The following TDRD12 variants were observed in gnomAD, a reference collection of about 807,000 sequenced individuals.
TDRD12 encodes the protein putative ATP-dependent RNA helicase TDRD12.
In TDRD12, 158 loss-of-function variants were observed where a neutral mutation model predicts 133.5. The ratio of observed to expected loss-of-function variants is 1.18; its 90% CI spans 1.04 to 1.35. The LOEUF is 1.35. Ranked by LOEUF, TDRD12 falls within the 40% of genes most tolerant of loss-of-function variation. The pLI, the probability that TDRD12 is intolerant of heterozygous loss-of-function variation, is 0.00. For missense variants in TDRD12, 1,443 were observed against 1,321.3 expected (o/e 1.09, Z -1.43); for synonymous variants, 460 against 477.9 (o/e 0.96, Z 0.49).
chr19:32,803,411 G>A (rs1270221294), intron 21 of TDRD12, among the ~76,000 whole-genome samples: 1 of 152,196 alleles, frequency 6.6e-6, no homozygotes, highest in Admixed American at 6.5e-5. Context: ...CCTCATGTCT[G>A]TGACATTCGT....
chr19:32,805,364 T>C (rs914181071), intron 21 of TDRD12, among the ~76,000 whole-genome samples: 9 of 150,520 alleles, frequency 6.0e-5, no homozygotes, highest in Non-Finnish European at 1.3e-4. Context: ...GCCTGGGTGA[T>C]AGAATGAGAC....
chr19:32,757,259 A>G (rs1317545499), intron 8 of TDRD12, 129 bp downstream of exon 8: 1 of 740,734 alleles, frequency 1.4e-6, no homozygotes. Flanking sequence ...AATGTAACCA[A>G]TTTGTGATGT....
exon 14 of TDRD12, chr19:32,794,782 C>T (rs1014462818): frequency 5.7e-6 from 4 of 703,370 alleles, no homozygotes; most frequent in Admixed American, 2.0e-5. Context: ...CAAACAGGAG[C>T]CTGCTACAAG....
intron 3 of TDRD12, among the ~76,000 whole-genome samples, chr19:32,739,950 T>C: frequency 7.3e-6 from 1 of 136,532 alleles, no homozygotes; most frequent in Non-Finnish European, 1.6e-5. Flanking sequence ...TCTCTGCATC[T>C]CCTAGGTACT....
intron 19 of TDRD12, among the ~76,000 whole-genome samples, chr19:32,802,150 CAT>C (rs373893635): frequency 0.018 from 2,502 of 138,574 alleles, 76 homozygotes; most frequent in African/African-American, 0.064. Context: ...TATATATTAT[CAT>C]ATATATATAT....
intron 6 of TDRD12, among the ~76,000 whole-genome samples, chr19:32,754,304 A>G (rs557306694): frequency 7.3e-4 from 111 of 152,278 alleles, no homozygotes; most frequent in African/African-American, 2.5e-3. Context: ...CCTTGTCTCT[A>G]CAAAAAATAC....
chr19:32,773,522 C>A, exon 10 of TDRD12: 1 of 1,551,572 alleles, frequency 6.4e-7, no homozygotes, highest in East Asian at 2.4e-5. Flanking sequence ...TCCAGATGTA[C>A]CAGAAGCAAG....
chr19:32,798,426 C>T, exon 16 of TDRD12: 1 of 1,534,526 alleles, frequency 6.5e-7, no homozygotes, highest in Non-Finnish European at 8.7e-7. Context: ...TCTTGGAAGC[C>T]AATGAACAGG....
At chr19:32,757,256 C>A in intron 8 of TDRD12, 126 bp downstream of exon 8, 1 of 765,294 alleles carries the variant, frequency 1.3e-6, no homozygotes, top group African/African-American at 1.8e-5. Context: ...TTTAATGTAA[C>A]CAATTTGTGA....
chr19:32,776,660 C>T (rs1324477255), intron 10 of TDRD12, among the ~76,000 whole-genome samples: 1 of 152,152 alleles, frequency 6.6e-6, no homozygotes, highest in East Asian at 1.9e-4. Flanking sequence ...GGGGCCTCAT[C>T]CAGAATCTCT....
In TDRD12 at chr19:32,768,766, C is replaced by A. The variant is rs560308626; in HGVS notation, c.866-3987C>A. 5.3e-5 allele frequency among the ~76,000 whole-genome samples: 8 copies of A among 152,238 alleles called. No homozygotes were observed. The South Asian group carries it at 1.7e-3, about 32-fold the overall frequency. ...CTCTTGAGCCCTGTTACTCTCATTG[C>A]AATGGCAGAGGTGGCTTTCTGGATT... On this transcript the variant is annotated intron_variant, in intron 8 of 27. Coordinates refer to ENST00000444215, the Ensembl canonical transcript of TDRD12.
intron 1 of TDRD12, among the ~76,000 whole-genome samples, chr19:32,729,497 A>G (rs928499203): frequency 5.9e-5 from 9 of 151,550 alleles, no homozygotes; most frequent in Non-Finnish European, 1.3e-4. Context: ...GATTACAGGC[A>G]TGAGCCACCG....
At chr19:32,773,701 AAATAAT>A (rs1179574835) in intron 10 of TDRD12, among the ~76,000 whole-genome samples, 169 bp downstream of exon 10, 3 of 152,076 alleles carry the variant, frequency 2.0e-5, no homozygotes, top group Admixed American at 6.6e-5. Flanking sequence ...CTTATCTCTA[AAATAAT>A]AATAATAATA....
chr19:32,824,409 G>A (rs2145769892), downstream of TDRD12: 1 of 153,120 alleles, frequency 6.5e-6, no homozygotes, highest in South Asian at 2.1e-4. Context: ...TGCCAGGCAG[G>A]GCTTCTGGAG....
rs1970489479 is a variant in TDRD12, at chr19:32,773,321, T to C, written c.964-135T>C. On this transcript the variant is annotated intron_variant, in intron 9 of 27. Coordinates refer to ENST00000444215, the Ensembl canonical transcript of TDRD12. Reference sequence around the variant, plus strand: ...CCAACTTTCCAGTTTTTTATCTCTCTATCTCTGTGTGTGCATGAAAGATGT... The same window carrying C: ...CCAACTTTCCAGTTTTTTATCTCTCCATCTCTGTGTGTGCATGAAAGATGT... 3.9e-6 allele frequency: 3 copies of C among 760,918 alleles called. No individual in the cohort carries two copies. In the Admixed American group the frequency reaches 6.6e-5, roughly 17 times the overall value. The allele number at this position is 760,918 out of a possible 1,614,324, so 47.1% of individuals were successfully genotyped here. A position where few individuals can be genotyped will look rare whatever the true frequency, so the allele number is the denominator to read the frequency against.
At chr19:32,810,970 T>C (rs1966982755) in intron 23 of TDRD12, among the ~76,000 whole-genome samples, 1 of 152,180 alleles carries the variant, frequency 6.6e-6, no homozygotes. Flanking sequence ...ATGTTAATTT[T>C]TATTATGTTG....
Position 32,815,724 on chromosome 19 carries a change from G to A in TDRD12, c.3314+104G>A, listed in dbSNP as rs62126517. On this transcript the variant is annotated intron_variant, in intron 26 of 27. Coordinates refer to ENST00000444215, the Ensembl canonical transcript of TDRD12. ...GAAAGTAGAAGAGTTGGCTGGGTGC[G>A]GTGGCTCACACCTGTAATCCCAGCA... 1.0e-4 allele frequency: 119 copies of A among 1,143,040 alleles called. 1 individual carries two copies. The highest frequency in any genetic ancestry group is 4.0e-4 in the Middle Eastern group (2 of 4,962). 70.8% of individuals were successfully genotyped at this position (1,143,040 alleles called of 1,614,324 possible).
chr19:32,750,799 A>C (rs1218144002), intron 6 of TDRD12, among the ~76,000 whole-genome samples: 1 of 152,020 alleles, frequency 6.6e-6, no homozygotes, highest in African/African-American at 2.4e-5. Flanking sequence ...ATGTTCCTCA[A>C]TTTGGTTTGC....
At chr19:32,826,238 T>G, downstream of TDRD12, 1 of 1,481,396 alleles carries the variant, frequency 6.8e-7, no homozygotes, top group Non-Finnish European at 9.0e-7. Context: ...GTCTTTCTTC[T>G]TCTAGCTTCC....
Sources: gnomAD v4.1 joint callset for allele counts (sites outside exome capture counted in the v4.1 genomes callset) on GRCh38, gnomAD v4.1.1 for gene constraint, MANE v1.5 for transcripts, NCBI Gene and HGNC (gene_info 2026-07-23, HGNC 2026-07-21) for gene names.